Variants in TSPAN14 observed in about 807,000 individuals in gnomAD.
TSPAN14 encodes the protein tetraspanin-14.
A neutral mutation model predicts 36.6 loss-of-function variants in TSPAN14; 16 were observed. The ratio of observed to expected loss-of-function variants is 0.44; its 90% CI spans 0.30 to 0.66. The LOEUF is 0.66. Among genes scored for constraint, TSPAN14 ranks in the 30% least tolerant of loss-of-function variants. TSPAN14 has a pLI of 0.12. For missense variants in TSPAN14, 231 were observed against 355.1 expected, an observed-to-expected ratio of 0.65 and a Z score of 2.81; for synonymous variants, 139 against 143.8, an observed-to-expected ratio of 0.97 and a Z score of 0.24.
chr10:80,472,985 G>C (rs1026167687), intron 1 of TSPAN14, among the ~76,000 whole-genome samples: 4 of 152,198 alleles, frequency 2.6e-5, no homozygotes, highest in African/African-American at 7.2e-5. Flanking sequence ...GTCAGTCACA[G>C]TAGGCCCATG....
intron 2 of TSPAN14, among the ~76,000 whole-genome samples, chr10:80,493,095 G>A (rs1158759916): frequency 6.6e-6 from 1 of 152,102 alleles, no homozygotes. Context: ...TTTTGAGAGC[G>A]CTAGTGTTTT....
At chr10:80,491,627 T>C (rs1328281138) in intron 2 of TSPAN14, among the ~76,000 whole-genome samples, 2 of 152,218 alleles carry the variant, frequency 1.3e-5, no homozygotes, top group Non-Finnish European at 2.9e-5. Context: ...CTCTACTAAC[T>C]TGCCCAGTAA....
chr10:80,497,687 C>T (rs1206700950), intron 2 of TSPAN14, among the ~76,000 whole-genome samples: 1 of 152,194 alleles, frequency 6.6e-6, no homozygotes, highest in Non-Finnish European at 1.5e-5. Context: ...CCTCCGCCTG[C>T]CTTCATTTCC....
intron 1 of TSPAN14, among the ~76,000 whole-genome samples, chr10:80,487,745 G>T (rs112219815): frequency 3.3e-5 from 5 of 151,960 alleles, no homozygotes; most frequent in Admixed American, 2.0e-4. Context: ...GCGGTGGTAG[G>T]GGGGAGGTGG....
At chr10:80,495,539 C>T (rs1848155632) in intron 2 of TSPAN14, among the ~76,000 whole-genome samples, 1 of 152,148 alleles carries the variant, frequency 6.6e-6, no homozygotes, top group Non-Finnish European at 1.5e-5. Context: ...AGGCTGGGAC[C>T]ACCAGTTGGG....
At chr10:80,464,716 C>T (rs944382381) in intron 1 of TSPAN14, among the ~76,000 whole-genome samples, 1 of 152,174 alleles carries the variant, frequency 6.6e-6, no homozygotes. Flanking sequence ...GGCCTGGGTC[C>T]TTGGTAGCAC....
intron 1 of TSPAN14, among the ~76,000 whole-genome samples, chr10:80,454,641 G>T (rs2131940853): frequency 6.6e-6 from 1 of 152,182 alleles, no homozygotes; most frequent in Non-Finnish European, 1.5e-5. Context: ...GGCGGGCCCG[G>T]GGCCGGCACT....
At chr10:80,470,365 C>T (rs747350168) in intron 1 of TSPAN14, among the ~76,000 whole-genome samples, 37 of 152,196 alleles carry the variant, frequency 2.4e-4, no homozygotes, top group East Asian at 9.6e-4. Context: ...AGGTGTGAAC[C>T]GCTGCGCCCA....
exon 9 of TSPAN14, chr10:80,519,288 G>A (rs1193605594): frequency 3.3e-5 from 5 of 152,726 alleles, no homozygotes; most frequent in Admixed American, 2.6e-4. Flanking sequence ...GTGATCACTG[G>A]TCCACCCTTC....
chr10:80,465,048 C>T (rs1470544638), intron 1 of TSPAN14, among the ~76,000 whole-genome samples: 1 of 152,158 alleles, frequency 6.6e-6, no homozygotes, highest in Non-Finnish European at 1.5e-5. Context: ...GATCCCCCTT[C>T]GCCCTTCTCA....
At chr10:80,510,492 C>G (rs1231312682) in intron 5 of TSPAN14, among the ~76,000 whole-genome samples, 1 of 152,216 alleles carries the variant, frequency 6.6e-6, no homozygotes, top group Non-Finnish European at 1.5e-5. Context: ...GTAGCCTTGG[C>G]TTGCCTGGTC....
intron 1 of TSPAN14, among the ~76,000 whole-genome samples, chr10:80,483,533 A>C (rs183503009): frequency 6.1e-4 from 93 of 152,308 alleles, no homozygotes; most frequent in African/African-American, 2.2e-3. Flanking sequence ...ATTGCTACCA[A>C]ATGGTAGTAA....
chr10:80,460,449 AGAGG>A (rs1845912642), intron 1 of TSPAN14, among the ~76,000 whole-genome samples: 2 of 152,186 alleles, frequency 1.3e-5, no homozygotes, highest in African/African-American at 4.8e-5. Context: ...CCAGATGAGT[AGAGG>A]GCTCAGAGGA....
intron 7 of TSPAN14, chr10:80,515,594 T>TC: frequency 6.6e-6 from 1 of 152,634 alleles, no homozygotes; most frequent in Middle Eastern, 3.4e-3. Flanking sequence ...GGGCTAATAC[T>TC]CCATCATGTT....
At chr10:80,519,488 GT>G (rs1461020894) in exon 9 of TSPAN14, 2 of 148,638 alleles carry the variant, frequency 1.3e-5, no homozygotes, top group African/African-American at 5.0e-5. Flanking sequence ...TTCTAGTGTG[GT>G]GTATACTGGT....
At chr10:80,481,792 A>AT (rs886310097) in intron 1 of TSPAN14, among the ~76,000 whole-genome samples, 180 of 150,546 alleles carry the variant, frequency 1.2e-3, no homozygotes, top group African/African-American at 4.0e-3. Context: ...CGCCTGGCTA[A>AT]TTTTTTTTTT....
intron 1 of TSPAN14, among the ~76,000 whole-genome samples, chr10:80,460,096 G>A (rs374151131): frequency 1.3e-5 from 2 of 152,200 alleles, no homozygotes; most frequent in East Asian, 1.9e-4. Context: ...GGACTATTAC[G>A]ATAGATGTAG....
chr10:80,492,703 C>A (rs1847985513), intron 2 of TSPAN14, among the ~76,000 whole-genome samples: 1 of 152,022 alleles, frequency 6.6e-6, no homozygotes, highest in Admixed American at 6.6e-5. Flanking sequence ...GTAGCCCCAG[C>A]TACTCAGGAG....
chr10:80,486,140 C>G (rs1847584435), intron 1 of TSPAN14, among the ~76,000 whole-genome samples: 1 of 152,170 alleles, frequency 6.6e-6, no homozygotes, highest in African/African-American at 2.4e-5. Flanking sequence ...GGTGTGGACC[C>G]CAGCATCTGA....
Sources: gnomAD v4.1 joint callset for allele counts (sites outside exome capture counted in the v4.1 genomes callset) on GRCh38, gnomAD v4.1.1 for gene constraint, MANE v1.5 for transcripts, NCBI Gene and HGNC (gene_info 2026-07-23, HGNC 2026-07-21) for gene names.